The following PDE9A variants were observed in gnomAD, a reference collection of about 807,000 sequenced individuals.
PDE9A encodes the protein high affinity cGMP-specific 3',5'-cyclic phosphodiesterase 9A.
Under a neutral mutation model 87.4 loss-of-function variants are expected in PDE9A, and 60 were observed. The ratio of observed to expected loss-of-function variants is 0.69; its 90% confidence interval spans 0.56 to 0.85. The LOEUF is 0.85. Among genes scored for constraint, PDE9A ranks in the 40% least tolerant of loss-of-function variants. The pLI, the probability that PDE9A is intolerant of heterozygous loss-of-function variation, is 0.00. For synonymous variants in PDE9A, 272 were observed against 279.4 expected (o/e 0.97, Z 0.27); for missense variants, 665 against 779.0 (o/e 0.85, Z 1.74).
At chr21:42,655,002 A>G (rs1416858844) in intron 1 of PDE9A, among the ~76,000 whole-genome samples, 2 of 152,210 alleles carry the variant, frequency 1.3e-5, no homozygotes, top group African/African-American at 4.8e-5. Flanking sequence ...CCCTGACTCC[A>G]GGACTAGGCG....
In PDE9A at chr21:42,709,404, G is replaced by A. The variant is rs542256152; in HGVS notation, c.262+10393G>A. ...GGTGCAGCAAACCACCATGACACAC[G>A]TTTACCTGTGTAACATCCCTGCATG... On this transcript the variant is annotated intron_variant, in intron 4 of 19. Coordinates refer to ENST00000291539, the MANE Select transcript of PDE9A (RefSeq NM_002606.3). Among the ~76,000 whole-genome samples, 6 of 152,226 alleles carry A rather than the reference G, an allele frequency of 3.9e-5. No individual in the cohort carries two copies. The South Asian group carries it at 1.0e-3, about 26-fold the overall frequency.
rs1347818140 is a variant in PDE9A at position 42,705,020 on chromosome 21, C to T, written c.262+6009C>T. Among the ~76,000 whole-genome samples the T allele has an allele frequency of 6.6e-6, 1 of 152,228 alleles. No homozygotes were observed. Among genetic ancestry groups the T allele is most frequent in the African/African-American group, 2.4e-5 (1 of 41,454 alleles). The stretch of plus-strand genomic sequence containing the variant: ...GGCCAGCCCTGGCCTGGGTCCACAA[C>T]CCCAGTGTGAGCTGCAGAGACTTCT... On this transcript the variant is annotated intron_variant, in intron 4 of 19. Coordinates refer to ENST00000291539, the MANE Select transcript of PDE9A (RefSeq NM_002606.3). This position sits in a 1 kb window ranked among gnomAD's most constrained non-coding sequence, Gnocchi z 4.3.
intron 1 of PDE9A, among the ~76,000 whole-genome samples, chr21:42,663,183 CCACATGCACCACACCCACCACA>C (rs2057717217): frequency 6.7e-6 from 1 of 148,674 alleles, no homozygotes; most frequent in South Asian, 2.2e-4. Flanking sequence ...TCACACACAT[CCACATGCACCACACCCACCACA>C]CACATGCACG....
In PDE9A at chr21:42,734,945, G is replaced by A. The variant is rs2052234441; in HGVS notation, c.568+1519G>A. Among the ~76,000 whole-genome samples the A allele has an allele frequency of 2.6e-5, 4 of 152,218 alleles. No homozygotes were observed. The South Asian group carries it at 8.3e-4, about 31-fold the overall frequency. On this transcript the variant is annotated intron_variant, in intron 7 of 19. Coordinates refer to ENST00000291539, the MANE Select transcript of PDE9A (RefSeq NM_002606.3). The stretch of plus-strand genomic sequence containing the variant: ...GAACGAGTCACTTCCCTGCACACCT[G>A]GCTGAAGAGGACCAGGCACTCCATG...
intron 2 of PDE9A, 127 bp downstream of exon 2, chr21:42,686,389 G>T: frequency 1.4e-6 from 1 of 712,870 alleles, no homozygotes. Context: ...GGGGCTCTTC[G>T]AAATCAATCA....
intron 1 of PDE9A, among the ~76,000 whole-genome samples, chr21:42,684,862 A>G (rs1171515017): frequency 6.6e-6 from 1 of 151,754 alleles, no homozygotes; most frequent in African/African-American, 2.4e-5. Context: ...GGTGCTGTTT[A>G]CTGTCTTATT....
rs2055346996 is a variant in PDE9A at position 42,758,750 on chromosome 21, C to T, written c.811-249C>T. ...TGGCCCTCCACGCCCCAGGATCCAC[C>T]TGCCAGGAGACCCCCAGTGTGCTCT... On this transcript the variant is annotated intron_variant, in intron 10 of 19. Coordinates refer to ENST00000291539, the MANE Select transcript of PDE9A (RefSeq NM_002606.3). 9 of 455,766 alleles carry T rather than the reference C, an allele frequency of 2.0e-5. No homozygotes were observed. The South Asian group carries it at 2.8e-4, about 14-fold the overall frequency. The allele number at this position is 455,766 out of a possible 1,614,324, so 28.2% of individuals were successfully genotyped here. A position where few individuals can be genotyped will look rare whatever the true frequency, so the allele number is the denominator to read the frequency against.
chr21:42,773,809 AAAAT>A lies in PDE9A; in HGVS notation c.1768+1300_1768+1303del, dbSNP rs568877823. Among the ~76,000 whole-genome samples, 7 of 146,602 alleles carry A rather than the reference AAAAT, an allele frequency of 4.8e-5. No individual in the cohort carries two copies. In the South Asian group the frequency reaches 6.6e-4, roughly 14 times the overall value. On this transcript the variant is annotated intron_variant, in intron 19 of 19. Transcript: ENST00000291539. ...GAGCGAGACTTCGTCTCAAAAAATA[AAAAT>A]AAATAAATAAGCCGGGCGCAGTGGC...
chr21:42,686,166 C>G, intron 1 of PDE9A, 26 bp from the exon 2 acceptor site: 1 of 1,600,062 alleles, frequency 6.2e-7, no homozygotes, highest in Non-Finnish European at 8.6e-7. Context: ...CCCTCGCTGC[C>G]GCCTCACCGC....
Position 42,726,624 on chromosome 21 carries a change from A to ATTTTTTTTTTTTTTT in PDE9A, c.263-5143_263-5129dup, listed in dbSNP as rs1197356167. On this transcript the variant is annotated intron_variant, in intron 4 of 19. Coordinates refer to ENST00000291539, the MANE Select transcript of PDE9A (RefSeq NM_002606.3). ...TATATATATATATATATATATATAT[A>ATTTTTTTTTTTTTTT]TTTTTTTTTTTTTTTTTGTAGAGAT... is the stretch of plus-strand genomic sequence containing the variant. Among the ~76,000 whole-genome samples, 18 of 19,780 alleles carry ATTTTTTTTTTTTTTT rather than the reference A, an allele frequency of 9.1e-4. 1 individual carries two copies. Among genetic ancestry groups the ATTTTTTTTTTTTTTT allele is most frequent in the South Asian group, 4.1e-3 (1 of 246 alleles). 13.0% of individuals were successfully genotyped at this position (19,780 alleles called of 152,430 possible).
At chr21:42,665,644 C>T (rs2057912499) in intron 1 of PDE9A, among the ~76,000 whole-genome samples, 1 of 152,204 alleles carries the variant, frequency 6.6e-6, no homozygotes, top group Admixed American at 6.5e-5. Flanking sequence ...CTGAATGTCC[C>T]CGCTCCTAGG....
chr21:42,728,300 C>T (rs2051349329), intron 4 of PDE9A, among the ~76,000 whole-genome samples: 1 of 152,142 alleles, frequency 6.6e-6, no homozygotes, highest in Admixed American at 6.5e-5. Context: ...CTCAGAGACA[C>T]CAAGGAACAA....
At chr21:42,689,346 T>A (rs932473231) in intron 3 of PDE9A, among the ~76,000 whole-genome samples, 1 of 152,212 alleles carries the variant, frequency 6.6e-6, no homozygotes, top group Non-Finnish European at 1.5e-5. Flanking sequence ...ACAGTCTGGC[T>A]CTGACTCTTG....
intron 17 of PDE9A, 123 bp downstream of exon 17, chr21:42,769,278 T>C (rs2056691307): frequency 2.4e-6 from 2 of 819,030 alleles, no homozygotes; most frequent in Non-Finnish European, 3.9e-6. Flanking sequence ...TGCACACACG[T>C]ACACAGATAC....
intron 4 of PDE9A, among the ~76,000 whole-genome samples, chr21:42,720,897 C>G (rs370155966): frequency 6.6e-6 from 1 of 151,678 alleles, no homozygotes; most frequent in South Asian, 2.1e-4. Context: ...CCCAGCTGCT[C>G]GGGAGGCTGA....
rs115868466 is a variant in PDE9A at position 42,704,944 on chromosome 21, A to G, written c.262+5933A>G. Among the ~76,000 whole-genome samples the G allele has an allele frequency of 1.5e-3, 233 of 152,370 alleles. No individual in the cohort carries two copies. Among genetic ancestry groups the G allele is most frequent in the African/African-American group, 5.2e-3 (217 of 41,588 alleles). ...GCTACTTAAATATTCAGGAAATAGT[A>G]AAGAGAAGAGTATTATCAAAAACGT... is the stretch of plus-strand genomic sequence containing the variant. On this transcript the variant is annotated intron_variant, in intron 4 of 19. Coordinates refer to ENST00000291539, the MANE Select transcript of PDE9A (RefSeq NM_002606.3). The surrounding 1 kb of genome is among the most constrained non-coding windows in gnomAD (Gnocchi z 5.3).
intron 1 of PDE9A, among the ~76,000 whole-genome samples, chr21:42,654,379 G>C (rs1212289058): frequency 6.6e-6 from 1 of 152,140 alleles, no homozygotes; most frequent in African/African-American, 2.4e-5. Flanking sequence ...CGGAGAGCCT[G>C]GGGGGCAGCG....
chr21:42,755,038 A>G (rs1225229783), intron 10 of PDE9A, among the ~76,000 whole-genome samples: 1 of 152,208 alleles, frequency 6.6e-6, no homozygotes, highest in East Asian at 1.9e-4. Context: ...GTTTCATCTC[A>G]TTGGCTAATA....
intron 4 of PDE9A, among the ~76,000 whole-genome samples, chr21:42,715,317 G>T (rs1013370031): frequency 6.6e-6 from 1 of 150,720 alleles, no homozygotes; most frequent in African/African-American, 2.4e-5. Flanking sequence ...CACCGTCAAC[G>T]TCCTGCATCA....
Sources: gnomAD v4.1 joint callset for allele counts (sites outside exome capture counted in the v4.1 genomes callset) on GRCh38, gnomAD v4.1.1 for gene constraint, Gnocchi (gnomAD v3.1) non-coding constraint, MANE v1.5 for transcripts, NCBI Gene and HGNC (gene_info 2026-07-23, HGNC 2026-07-21) for gene names.